Variants in NETO2 observed in about 807,000 individuals in gnomAD.
The protein encoded by NETO2 is neuropilin and tolloid-like protein 2.
Under a neutral mutation model 62.5 loss-of-function variants are expected in NETO2, and 28 were observed. The ratio of observed to expected loss-of-function variants is 0.45; its 90% CI spans 0.33 to 0.61. The LOEUF is 0.61. NETO2 is among the 20% of genes least tolerant of loss of function. The pLI, the probability that NETO2 is intolerant of heterozygous loss-of-function variation, is 0.02. For missense variants in NETO2, 548 were observed against 643.2 expected (o/e 0.85, Z 1.60); for synonymous variants, 214 against 219.1 (o/e 0.98, Z 0.21).
chr16:47,115,232 T>G (rs776232248), intron 6 of NETO2, among the ~76,000 whole-genome samples: 2 of 152,176 alleles, frequency 1.3e-5, no homozygotes, highest in African/African-American at 2.4e-5. Context: ...TGCTTTTCCA[T>G]TACATTCTAG....
At chr16:47,142,701 A>AG (rs1429572826) in intron 1 of NETO2, among the ~76,000 whole-genome samples, 1 of 152,260 alleles carries the variant, frequency 6.6e-6, no homozygotes, top group Non-Finnish European at 1.5e-5. Context: ...AAGACGATTT[A>AG]TTCAGTCCGA....
rs754607183 is a variant in NETO2 at position 47,122,946 on chromosome 16, TGA to T, written c.482-36_482-35del. Reference sequence around the variant, plus strand: ...GAAAAAAGAAGAAAGTCATTGGTACTGAGATAGTTACTTTAATCCTCGATGTC... The same window carrying T: ...GAAAAAAGAAGAAAGTCATTGGTACTGATAGTTACTTTAATCCTCGATGTC... On this transcript the variant is annotated intron_variant, in intron 4 of 8. Coordinates refer to ENST00000562435, the MANE Select transcript of NETO2 (RefSeq NM_018092.5). The T allele has an allele frequency of 1.4e-5, 23 of 1,591,312 alleles. No individual in the cohort carries two copies. The African/African-American group carries it at 2.7e-4, about 19-fold the overall frequency.
chr16:47,093,472 A>G (rs1963357326), intron 7 of NETO2, among the ~76,000 whole-genome samples: 1 of 152,190 alleles, frequency 6.6e-6, no homozygotes, highest in Admixed American at 6.5e-5. Flanking sequence ...CTACACTGTC[A>G]CTATTTGCCT....
chr16:47,094,957 G>A (rs1453408802), intron 7 of NETO2, among the ~76,000 whole-genome samples: 1 of 152,088 alleles, frequency 6.6e-6, no homozygotes, highest in Non-Finnish European at 1.5e-5. Context: ...CGATCCACCC[G>A]CCTCGGCCTC....
At chr16:47,133,205 C>T (rs889224634) in intron 1 of NETO2, among the ~76,000 whole-genome samples, 1 of 151,818 alleles carries the variant, frequency 6.6e-6, no homozygotes, top group African/African-American at 2.4e-5. Context: ...AGGAAAACTC[C>T]CAAAAAAGAA....
In NETO2 at chr16:47,129,487, A is replaced by G. The variant is rs556969107; in HGVS notation, c.92-123T>C. The G allele has an allele frequency of 5.5e-5, 54 of 978,868 alleles. No individual in the cohort carries two copies. In the South Asian group the frequency reaches 8.3e-4, roughly 15 times the overall value. The allele number at this position is 978,868 out of a possible 1,614,324, so 60.6% of individuals were successfully genotyped here. A position where few individuals can be genotyped will look rare whatever the true frequency, so the allele number is the denominator to read the frequency against. Reference sequence around the variant, plus strand: ...ACATATATAAAATTTTCTAAGAACCACTGTCAAATTTAGCACAATAAATTG... The same window carrying G: ...ACATATATAAAATTTTCTAAGAACCGCTGTCAAATTTAGCACAATAAATTG... On this transcript the variant is annotated intron_variant, in intron 2 of 8. Transcript: ENST00000562435.
intron 8 of NETO2, among the ~76,000 whole-genome samples, chr16:47,085,005 C>T (rs563698763): frequency 6.6e-6 from 1 of 152,306 alleles, no homozygotes; most frequent in Non-Finnish European, 1.5e-5. Flanking sequence ...TCCACGAAAC[C>T]AGTCCTTGGT....
intron 7 of NETO2, among the ~76,000 whole-genome samples, chr16:47,092,008 C>T (rs1963322762): frequency 6.6e-6 from 1 of 151,030 alleles, no homozygotes; most frequent in African/African-American, 2.4e-5. Flanking sequence ...ATGCCCAACT[C>T]ATTTAAAACT....
chr16:47,140,933 A>T (rs906532382), intron 1 of NETO2, among the ~76,000 whole-genome samples: 6 of 152,242 alleles, frequency 3.9e-5, no homozygotes, highest in African/African-American at 1.4e-4. Flanking sequence ...AAGAACAAAA[A>T]ATGGATTTAT....
In NETO2 at chr16:47,086,344, AG is replaced by A. The variant is rs1963189568; in HGVS notation, c.884-6del. On this transcript the variant is annotated splice_polypyrimidine_tract_variant and splice_region_variant and intron_variant, in intron 7 of 8. Coordinates refer to ENST00000562435, the MANE Select transcript of NETO2 (RefSeq NM_018092.5). ...AAGTGCTGCTTGTGCAGGGAGCTGC[AG>A]GAAGAGAAAACAGTGTTGCAAAGAG... 1.9e-6 allele frequency: 3 copies of A among 1,600,262 alleles called. No homozygotes were observed. The South Asian group carries it at 3.3e-5, about 18-fold the overall frequency.
At chr16:47,109,830 G>A (rs748108851) in intron 6 of NETO2, 119 bp from the exon 7 acceptor site, 34 of 667,026 alleles carry the variant, frequency 5.1e-5, no homozygotes, top group Non-Finnish European at 7.4e-5. Flanking sequence ...AACCATAATC[G>A]ATAAATGGCT....
chr16:47,083,867 A>G (rs1963126526), intron 8 of NETO2, 66 bp from the exon 9 acceptor site: 1 of 1,252,176 alleles, frequency 8.0e-7, no homozygotes, highest in Admixed American at 2.4e-5. Flanking sequence ...GGTACAAATT[A>G]GTAAGGTATT....
Position 47,083,519 on chromosome 16 carries a change from C to T in NETO2, c.1280G>A (p.Arg427His), listed in dbSNP as rs372424394. 1.5e-5 allele frequency: 25 copies of T among 1,614,170 alleles called. No individual in the cohort carries two copies. The highest frequency in any genetic ancestry group is 3.3e-5 in the South Asian group (3 of 91,084). ...GATGCAGCGGGAGGCGGTGGAGGAGCGCCGCATCTTCTGGTAGTTGTCCAA... is the reference window on the plus strand; with the variant it reads ...GATGCAGCGGGAGGCGGTGGAGGAGTGCCGCATCTTCTGGTAGTTGTCCAA... ...EELDNYQKMRRSSTASRCIHD... is the reference protein window; with the variant it reads ...EELDNYQKMRHSSTASRCIHD... Residue 427 changes from arginine to histidine, a missense_variant, in exon 9 of 9, where the codon CGC becomes CAC. Arg to His is a conservative substitution (Grantham distance 29). Transcript: ENST00000562435.
chr16:47,129,120 A>C lies in NETO2; in HGVS notation c.232+104T>G, dbSNP rs537471513. ...CATTACTACAGTTTAATTCAAATACATGTTTAAATTTCATTCAAACTGGTT... is the reference window on the plus strand; with the variant it reads ...CATTACTACAGTTTAATTCAAATACCTGTTTAAATTTCATTCAAACTGGTT... On this transcript the variant is annotated intron_variant, in intron 3 of 8. Transcript: ENST00000562435. 3.9e-6 allele frequency: 4 copies of C among 1,021,560 alleles called. No homozygotes were observed. The South Asian group carries it at 5.8e-5, about 15-fold the overall frequency. 63.3% of individuals were successfully genotyped at this position (1,021,560 alleles called of 1,614,324 possible).
At chr16:47,099,672 TA>T (rs1344190041) in intron 7 of NETO2, among the ~76,000 whole-genome samples, 2 of 151,550 alleles carry the variant, frequency 1.3e-5, no homozygotes, top group Non-Finnish European at 2.9e-5. Context: ...TAGTCTCTGA[TA>T]AAACAGACTT....
chr16:47,140,460 T>C (rs1964439738), intron 1 of NETO2, among the ~76,000 whole-genome samples: 1 of 152,230 alleles, frequency 6.6e-6, no homozygotes, highest in Non-Finnish European at 1.5e-5. Flanking sequence ...TCTATCATTT[T>C]TCTATCTTTT....
intron 6 of NETO2, among the ~76,000 whole-genome samples, chr16:47,117,426 T>C (rs1286421099): frequency 6.6e-6 from 1 of 152,204 alleles, no homozygotes; most frequent in Non-Finnish European, 1.5e-5. Context: ...TGGGACTTTT[T>C]AGCAATTTTT....
chr16:47,118,622 T>A (rs1253910744), intron 6 of NETO2, among the ~76,000 whole-genome samples: 1 of 152,242 alleles, frequency 6.6e-6, no homozygotes, highest in Non-Finnish European at 1.5e-5. Context: ...AATATTCTCT[T>A]ATGATAGTCT....
chr16:47,107,145 A>G (rs1963693903), intron 7 of NETO2, among the ~76,000 whole-genome samples: 1 of 152,236 alleles, frequency 6.6e-6, no homozygotes, highest in South Asian at 2.1e-4. Context: ...CACATAAGAA[A>G]AAATGGCACA....
Sources: gnomAD v4.1 joint callset for allele counts (sites outside exome capture counted in the v4.1 genomes callset) on GRCh38, gnomAD v4.1.1 for gene constraint, MANE v1.5 for transcripts, NCBI Gene and HGNC (gene_info 2026-07-23, HGNC 2026-07-21) for gene names.